The following ZNF521 variants were observed in gnomAD, a reference collection of about 807,000 sequenced individuals.
The protein encoded by ZNF521 is zinc finger protein 521.
A neutral mutation model predicts 105.5 loss-of-function variants in ZNF521; 14 were observed. That is an observed-to-expected ratio of 0.13 (90% CI 0.09 to 0.21). The LOEUF is 0.21. Among genes scored for constraint, ZNF521 ranks in the 10% least tolerant of loss-of-function variants. The pLI is 1.00. For missense variants in ZNF521, 1,233 were observed against 1,629.7 expected (o/e 0.76, Z 4.19); for synonymous variants, 635 against 606.0 (o/e 1.05, Z -0.70).
chr18:25,253,767 G>A (rs1908278389), intron 3 of ZNF521, among the ~76,000 whole-genome samples: 1 of 152,112 alleles, frequency 6.6e-6, no homozygotes, highest in Non-Finnish European at 1.5e-5. Flanking sequence ...CAGGTCCTCT[G>A]GAGAAATACA....
At chr18:25,341,690 T>G (rs1914208944) in intron 2 of ZNF521, among the ~76,000 whole-genome samples, 1 of 152,202 alleles carries the variant, frequency 6.6e-6, no homozygotes, top group African/African-American at 2.4e-5. Context: ...TTTTTGAGAC[T>G]CATTTTGTCT....
chr18:25,271,911 G>C (rs973083355), intron 3 of ZNF521, among the ~76,000 whole-genome samples: 2 of 152,128 alleles, frequency 1.3e-5, no homozygotes, highest in Non-Finnish European at 2.9e-5. Context: ...AAATTGACAA[G>C]TGGGATCTAA....
chr18:25,082,795 TGG>T, intron 7 of ZNF521: 6 of 195,190 alleles, frequency 3.1e-5, no homozygotes, highest in Non-Finnish European at 5.7e-5. Context: ...TGAGCCAAGA[TGG>T]TGCCATTGCA....
At chr18:25,296,469 C>T (rs540528628) in intron 3 of ZNF521, among the ~76,000 whole-genome samples, 8 of 152,274 alleles carry the variant, frequency 5.3e-5, no homozygotes, top group Non-Finnish European at 1.0e-4. Flanking sequence ...CAAAGATACT[C>T]AGTCACACTT....
At chr18:25,328,555 A>ATT (rs553485009) in intron 2 of ZNF521, among the ~76,000 whole-genome samples, 4 of 140,764 alleles carry the variant, frequency 2.8e-5, no homozygotes, top group African/African-American at 7.8e-5. Flanking sequence ...TTTTTTATTA[A>ATT]TTTTTTTTTT....
At chr18:25,298,743 T>A (rs916447263) in intron 3 of ZNF521, among the ~76,000 whole-genome samples, 1 of 152,174 alleles carries the variant, frequency 6.6e-6, no homozygotes, top group African/African-American at 2.4e-5. Context: ...AGAATTAGTA[T>A]GCTTTAAAAA....
chr18:25,207,504 C>G (rs2036103841), intron 4 of ZNF521, among the ~76,000 whole-genome samples: 1 of 152,152 alleles, frequency 6.6e-6, no homozygotes. Flanking sequence ...TGTACACTTT[C>G]AGCGCATAGA....
intron 7 of ZNF521, 124 bp from the exon 8 acceptor site, chr18:25,062,865 C>T (rs1022811101): frequency 2.1e-6 from 2 of 953,358 alleles, no homozygotes; most frequent in East Asian, 2.7e-5. Flanking sequence ...TTCATAATGA[C>T]TTGAACAGAA....
At chr18:25,315,250 C>T (rs1019709053) in intron 3 of ZNF521, among the ~76,000 whole-genome samples, 4 of 152,176 alleles carry the variant, frequency 2.6e-5, no homozygotes, top group Admixed American at 2.0e-4. Flanking sequence ...CAGGTGGTTT[C>T]CATCTATTGC....
chr18:25,122,105 A>G (rs2034454799), intron 5 of ZNF521, among the ~76,000 whole-genome samples: 1 of 152,250 alleles, frequency 6.6e-6, no homozygotes, highest in Non-Finnish European at 1.5e-5. Context: ...GGTGTTCAAT[A>G]GGGACATGAA....
At position 25,225,085 on chromosome 18, in the gene ZNF521, G is replaced by A; in HGVS notation, c.2833C>T (p.Leu945Phe). 1 of 1,614,194 alleles carries A rather than the reference G, an allele frequency of 6.2e-7. No individual in the cohort carries two copies. The highest frequency in any genetic ancestry group is 1.1e-5 in the South Asian group (1 of 91,080). Reference protein sequence around the residue: ...CSRTFFSENGLREHMQTHLGP... With the variant: ...CSRTFFSENGFREHMQTHLGP... Reference sequence around the variant, plus strand: ...AGGTGGGTCTGCATATGTTCCCGGAGGCCATTTTCGGAGAAGAAGGTTCGA... The same window carrying A: ...AGGTGGGTCTGCATATGTTCCCGGAAGCCATTTTCGGAGAAGAAGGTTCGA... Residue 945 changes from leucine (L) to phenylalanine (F), a missense_variant, in exon 4 of 8, where the codon CTC (leucine) becomes TTC (phenylalanine). Around this residue, in one of 6 missense-constraint regions of ZNF521, gnomAD observed 614 missense variants for 751.5 expected, o/e 0.82. Transcript: ENST00000361524. This position sits in a 1 kb window ranked among gnomAD's most constrained non-coding sequence, Gnocchi z 5.6.
intron 5 of ZNF521, among the ~76,000 whole-genome samples, chr18:25,123,140 CATT>C (rs983048255): frequency 3.7e-5 from 4 of 107,602 alleles, no homozygotes; most frequent in South Asian, 3.1e-4. Flanking sequence ...ACAAATGACT[CATT>C]ATATGAGTCA....
intron 2 of ZNF521, among the ~76,000 whole-genome samples, chr18:25,335,264 GA>G (rs1913806272): frequency 6.6e-6 from 1 of 152,250 alleles, no homozygotes; most frequent in African/African-American, 2.4e-5. Context: ...TAAATCAAGA[GA>G]CTGAGACTCC....
intron 5 of ZNF521, among the ~76,000 whole-genome samples, chr18:25,127,671 A>G (rs1265101103): frequency 6.6e-6 from 1 of 152,072 alleles, no homozygotes; most frequent in African/African-American, 2.4e-5. Flanking sequence ...AAGAGAATAT[A>G]TGTACATTTC....
At chr18:25,220,020 G>C (rs1484260913) in intron 4 of ZNF521, among the ~76,000 whole-genome samples, 1 of 152,178 alleles carries the variant, frequency 6.6e-6, no homozygotes, top group Non-Finnish European at 1.5e-5. Flanking sequence ...AGAGCGGTCA[G>C]TAAAAGGTGG....
chr18:25,275,149 C>T (rs185288158), intron 3 of ZNF521, among the ~76,000 whole-genome samples: 1 of 152,214 alleles, frequency 6.6e-6, no homozygotes, highest in Non-Finnish European at 1.5e-5. Flanking sequence ...GATTTCCTGC[C>T]GATTTGTGGG....
intron 3 of ZNF521, among the ~76,000 whole-genome samples, chr18:25,271,645 C>A (rs1909669441): frequency 6.6e-6 from 1 of 152,258 alleles, no homozygotes; most frequent in African/African-American, 2.4e-5. Context: ...TTTGACAAAC[C>A]TGACAAAAAC....
rs59178760 is a variant in ZNF521, at chr18:25,212,509, C to CAAAAAAAAAAAAAAAA, written c.3573+11820_3573+11835dup. 9.2e-5 allele frequency among the ~76,000 whole-genome samples: 2 copies of CAAAAAAAAAAAAAAAA among 21,698 alleles called. 1 individual carries two copies. The highest frequency in any genetic ancestry group is 3.9e-4 in the African/African-American group (2 of 5,084). 14.2% of individuals were successfully genotyped at this position (21,698 alleles called of 152,430 possible). On this transcript the variant is annotated intron_variant, in intron 4 of 7. Transcript: ENST00000361524. Reference sequence around the variant, plus strand: ...TGGGCAAAAGAGTGAGACTTAGTCTCAAAAAAAAAAAAAAAAAAAAAAAAA... The same window carrying CAAAAAAAAAAAAAAAA: ...TGGGCAAAAGAGTGAGACTTAGTCTCAAAAAAAAAAAAAAAAAAAAAAAAAAAAAAAAAAAAAAAAA...
chr18:25,063,305 CTGA>C (rs1376651128), intron 7 of ZNF521, among the ~76,000 whole-genome samples: 1 of 152,126 alleles, frequency 6.6e-6, no homozygotes, highest in Non-Finnish European at 1.5e-5. Context: ...AGTTAGCTGG[CTGA>C]TGATGGACAG....
Sources: gnomAD v4.1 joint callset for allele counts (sites outside exome capture counted in the v4.1 genomes callset) on GRCh38, gnomAD v4.1.1 for gene constraint, gnomAD v4.1.1 regional missense constraint, Gnocchi (gnomAD v3.1) non-coding constraint, MANE v1.5 for transcripts, NCBI Gene and HGNC (gene_info 2026-07-23, HGNC 2026-07-21) for gene names.